The following SLC26A7 variants were observed in gnomAD, a reference collection of about 807,000 sequenced individuals.
SLC26A7 encodes anion exchange transporter.
Under a neutral mutation model 82.5 loss-of-function variants are expected in SLC26A7, and 59 were observed. That is an observed-to-expected ratio of 0.72 (90% CI 0.58 to 0.89). The LOEUF (loss-of-function observed/expected upper bound fraction) is 0.89. SLC26A7 is among the 40% of genes least tolerant of loss of function. SLC26A7 has a pLI of 0.00. For missense variants in SLC26A7, 820 were observed against 793.0 expected, an observed-to-expected ratio of 1.03 and a Z score of -0.41; for synonymous variants, 271 against 274.3, an observed-to-expected ratio of 0.99 and a Z score of 0.12.
chr8:91,358,986 G>A (rs1262154445), intron 11 of SLC26A7, among the ~76,000 whole-genome samples: 3 of 152,104 alleles, frequency 2.0e-5, no homozygotes, highest in African/African-American at 7.2e-5. Flanking sequence ...TATAAATGAC[G>A]AGTTAATGGC....
At chr8:91,274,520 C>G (rs909995190) in intron 2 of SLC26A7, among the ~76,000 whole-genome samples, 2 of 152,040 alleles carry the variant, frequency 1.3e-5, no homozygotes, top group African/African-American at 4.8e-5. Context: ...TAGAGAGCAC[C>G]AAGGAATGCA....
At chr8:91,342,794 A>T (rs1813456360) in intron 8 of SLC26A7, among the ~76,000 whole-genome samples, 1 of 152,236 alleles carries the variant, frequency 6.6e-6, no homozygotes, top group Non-Finnish European at 1.5e-5. Context: ...GTATTTGAGT[A>T]GCTTATATGT....
intron 2 of SLC26A7, among the ~76,000 whole-genome samples, chr8:91,259,117 T>C (rs994456001): frequency 2.6e-5 from 4 of 152,094 alleles, no homozygotes; most frequent in Non-Finnish European, 1.5e-5. Context: ...TTGATTGGCC[T>C]CTACAGCATT....
At chr8:91,290,549 CTT>C (rs1164307953) in intron 3 of SLC26A7, among the ~76,000 whole-genome samples, 1 of 152,134 alleles carries the variant, frequency 6.6e-6, no homozygotes, top group Non-Finnish European at 1.5e-5. Context: ...TTCAAATTCT[CTT>C]TGACTCTGAT....
At chr8:91,223,928 T>C (rs572906761) in intron 2 of SLC26A7, among the ~76,000 whole-genome samples, 2 of 151,914 alleles carry the variant, frequency 1.3e-5, no homozygotes, top group Non-Finnish European at 2.9e-5. Context: ...AGTAAGGTGG[T>C]CTTCAGACTC....
At chr8:91,240,016 T>G (rs1810452885) in intron 2 of SLC26A7, among the ~76,000 whole-genome samples, 1 of 152,200 alleles carries the variant, frequency 6.6e-6, no homozygotes, top group African/African-American at 2.4e-5. Flanking sequence ...AACTAACATC[T>G]ATCAGCACCT....
At chr8:91,353,179 A>G (rs768536961) in intron 11 of SLC26A7, among the ~76,000 whole-genome samples, 183 bp downstream of exon 11, 24 of 152,154 alleles carry the variant, frequency 1.6e-4, no homozygotes, top group Non-Finnish European at 3.2e-4. Flanking sequence ...CTTCATATGA[A>G]ACAGAAATAA....
intron 2 of SLC26A7, among the ~76,000 whole-genome samples, chr8:91,256,816 T>A (rs1016822892): frequency 6.6e-6 from 1 of 152,136 alleles, no homozygotes; most frequent in Non-Finnish European, 1.5e-5. Context: ...CCAGAAAGAT[T>A]GATATTATTC....
intron 9 of SLC26A7, chr8:91,344,303 G>A: frequency 1.6e-6 from 1 of 627,094 alleles, no homozygotes; most frequent in Non-Finnish European, 2.0e-6. Context: ...GGCAGAGCCG[G>A]GATTGGAACC....
rs192702994 is a variant in SLC26A7 at position 91,277,065 on chromosome 8, T to G, written c.194-12071T>G. On this transcript the variant is annotated intron_variant, in intron 2 of 18. Transcript: ENST00000276609. ...TGAGCCCTCTTTTCCCTTGCTTTCC[T>G]TCGAATACTGAGATGTGTGTCCTTC... is the stretch of plus-strand genomic sequence containing the variant. 1.1e-4 allele frequency among the ~76,000 whole-genome samples: 16 copies of G among 152,336 alleles called. No homozygotes were observed. The East Asian group carries it at 3.1e-3, about 29-fold the overall frequency.
intron 5 of SLC26A7, among the ~76,000 whole-genome samples, chr8:91,333,025 A>G (rs1376070528): frequency 6.6e-6 from 1 of 152,080 alleles, no homozygotes; most frequent in Admixed American, 6.6e-5. Context: ...TCAAACATTC[A>G]TGTAGAGGAT....
At chr8:91,246,570 T>C (rs929844660), upstream of SLC26A7, among the ~76,000 whole-genome samples, 25 of 152,170 alleles carry the variant, frequency 1.6e-4, no homozygotes, top group African/African-American at 5.3e-4. Context: ...AATAGACTAG[T>C]GCACCTGTAA....
At chr8:91,327,517 A>G (rs1812966004) in intron 5 of SLC26A7, among the ~76,000 whole-genome samples, 1 of 152,150 alleles carries the variant, frequency 6.6e-6, no homozygotes, top group Non-Finnish European at 1.5e-5. Flanking sequence ...ACACCTATCT[A>G]TATGCTGATT....
chr8:91,269,086 T>C (rs895707656), intron 2 of SLC26A7, among the ~76,000 whole-genome samples: 1 of 152,086 alleles, frequency 6.6e-6, no homozygotes, highest in Admixed American at 6.5e-5. Context: ...ATAGTTTTGT[T>C]TTTTAGTTTT....
At chr8:91,320,791 CTT>C (rs1563677902) in intron 5 of SLC26A7, among the ~76,000 whole-genome samples, 1 of 152,210 alleles carries the variant, frequency 6.6e-6, no homozygotes, top group Non-Finnish European at 1.5e-5. Flanking sequence ...ACTTTTCACT[CTT>C]TGACATGTAT....
chr8:91,222,363 T>C (rs1000433144), intron 2 of SLC26A7, among the ~76,000 whole-genome samples: 1 of 152,220 alleles, frequency 6.6e-6, no homozygotes, highest in African/African-American at 2.4e-5. Context: ...CTTTATTTTT[T>C]TCTCTTGCCT....
chr8:91,309,853 G>C (rs1346784673), intron 4 of SLC26A7, among the ~76,000 whole-genome samples: 1 of 152,068 alleles, frequency 6.6e-6, no homozygotes, highest in African/African-American at 2.4e-5. Context: ...CTAGCACTTG[G>C]TTAGGAGGGG....
intron 2 of SLC26A7, among the ~76,000 whole-genome samples, chr8:91,285,260 C>T (rs973302374): frequency 5.3e-5 from 8 of 152,206 alleles, no homozygotes; most frequent in Non-Finnish European, 7.3e-5. Flanking sequence ...ATGCCTTCAT[C>T]GTCATGTGGC....
At chr8:91,337,553 CAGA>C (rs1295825446) in intron 6 of SLC26A7, among the ~76,000 whole-genome samples, 1 of 152,010 alleles carries the variant, frequency 6.6e-6, no homozygotes, top group Non-Finnish European at 1.5e-5. Context: ...ATGTCAGTAA[CAGA>C]AGGATAGGGT....
Sources: allele counts gnomAD v4.1 joint callset (sites outside exome capture counted in the v4.1 genomes callset), GRCh38; gene constraint gnomAD v4.1.1; transcripts MANE v1.5; gene names NCBI Gene and HGNC (gene_info 2026-07-23, HGNC 2026-07-21).